The following INTS10 variants were observed in gnomAD, a reference collection of about 807,000 sequenced individuals.
INTS10 encodes chromosome 8 open reading frame 35.
A neutral mutation model predicts 94.4 loss-of-function variants in INTS10; 44 were observed. The observed-to-expected ratio is 0.47, with a 90% CI of 0.37 to 0.60. The LOEUF is 0.60. Among genes scored for constraint, INTS10 ranks in the 20% least tolerant of loss-of-function variants. The pLI is 0.00. For missense variants in INTS10, 797 were observed against 868.7 expected, an observed-to-expected ratio of 0.92 and a Z score of 1.04; for synonymous variants, 341 against 320.7, an observed-to-expected ratio of 1.06 and a Z score of -0.68.
chr8:19,822,567 C>T, intron 5 of INTS10, 47 bp downstream of exon 5: 1 of 1,193,300 alleles, frequency 8.4e-7, no homozygotes, highest in Non-Finnish European at 1.2e-6. Flanking sequence ...AATTAATATG[C>T]TGGGGTAAGT....
intron 4 of INTS10, 86 bp downstream of exon 4, chr8:19,820,604 A>G (rs2066297936): frequency 8.0e-7 from 1 of 1,254,686 alleles, no homozygotes; most frequent in African/African-American, 1.5e-5. Flanking sequence ...GCTACAAAGC[A>G]GAAGTTTCTG....
At chr8:19,836,422 G>T (rs766181853) in intron 12 of INTS10, among the ~76,000 whole-genome samples, 24 of 152,182 alleles carry the variant, frequency 1.6e-4, no homozygotes, top group Non-Finnish European at 2.2e-4. Context: ...CACCAGCAGT[G>T]CATCCGTCCA....
chr8:19,845,877 A>G (rs894706329), intron 16 of INTS10, 80 bp downstream of exon 16: 8 of 921,722 alleles, frequency 8.7e-6, no homozygotes, highest in Non-Finnish European at 1.4e-5. Context: ...AAATGTCTAT[A>G]CCTATCAAAA....
chr8:19,821,684 C>G (rs1264808026), intron 4 of INTS10: 1 of 151,350 alleles, frequency 6.6e-6, no homozygotes, highest in Non-Finnish European at 1.5e-5. Flanking sequence ...ATTATATCTA[C>G]AAAGATACTT....
In INTS10 at chr8:19,849,023, C is replaced by G; in HGVS notation, c.1977-2626C>G. 3.0e-6 allele frequency: 1 copy of G among 333,876 alleles called. No individual in the cohort carries two copies. Among genetic ancestry groups the G allele is most frequent in the South Asian group, 2.3e-5 (1 of 43,982 alleles). 20.7% of individuals were successfully genotyped at this position (333,876 alleles called of 1,614,324 possible). On this transcript the variant is annotated intron_variant, in intron 16 of 16. Transcript: ENST00000397977. This position sits in a 1 kb window ranked among gnomAD's most constrained non-coding sequence, Gnocchi z 4.6. ...CCCAGTCTCCTTAAACACCCAGCCA[C>G]GGCCAGGGGCTTGTTGAGGTTAATG... is the stretch of plus-strand genomic sequence containing the variant.
At position 19,851,603 on chromosome 8, in the gene INTS10, G is replaced by C. The variant is rs765723856; in HGVS notation, c.1977-46G>C. 6 of 1,589,124 alleles carry C rather than the reference G, an allele frequency of 3.8e-6. No homozygotes were observed. In the East Asian group the frequency reaches 1.3e-4, roughly 36 times the overall value. On this transcript the variant is annotated intron_variant, in intron 16 of 16. Coordinates refer to ENST00000397977, the MANE Select transcript of INTS10 (RefSeq NM_018142.4). The surrounding 1 kb of genome is among the most constrained non-coding windows in gnomAD (Gnocchi z 5.0). ...CCAAGTAGCAGCGATCAGCGATGCT[G>C]GTGCTAACCCCTGGTCTTTGTCTGT...
intron 4 of INTS10, chr8:19,820,805 G>C: frequency 3.9e-6 from 1 of 257,026 alleles, no homozygotes; most frequent in Non-Finnish European, 7.3e-6. Context: ...ATTCTACAAT[G>C]TGCTTTTGAA....
chr8:19,835,312 T>C (rs1211983659), intron 12 of INTS10, among the ~76,000 whole-genome samples: 2 of 152,196 alleles, frequency 1.3e-5, no homozygotes, highest in African/African-American at 4.8e-5. Flanking sequence ...TCTACTTAAT[T>C]GAAGTATTGG....
chr8:19,818,365 C>T (rs1563318733), intron 2 of INTS10, 23 bp downstream of exon 2: 1 of 1,610,612 alleles, frequency 6.2e-7, no homozygotes. Flanking sequence ...CTTGACATCA[C>T]TTTTACTGCA....
intron 15 of INTS10, among the ~76,000 whole-genome samples, chr8:19,844,527 A>G (rs940756269): frequency 3.9e-5 from 6 of 152,218 alleles, no homozygotes; most frequent in African/African-American, 1.4e-4. Flanking sequence ...GGTTGCTGAT[A>G]GGTCCAGCTT....
chr8:19,840,357 G>T (rs984834918), intron 13 of INTS10, among the ~76,000 whole-genome samples: 1 of 152,060 alleles, frequency 6.6e-6, no homozygotes, highest in Non-Finnish European at 1.5e-5. Context: ...CTCCCCACGT[G>T]TATCTGTAGA....
At chr8:19,823,191 C>T in intron 5 of INTS10, 110 bp from the exon 6 acceptor site, 3 of 792,238 alleles carry the variant, frequency 3.8e-6, no homozygotes, top group Non-Finnish European at 6.2e-6. Flanking sequence ...GATTTTTCCC[C>T]CTATATATTT....
At chr8:19,841,822 T>A (rs1425608060) in intron 13 of INTS10, 9 of 456,108 alleles carry the variant, frequency 2.0e-5, no homozygotes, top group Middle Eastern at 3.3e-4. Flanking sequence ...AGTTTTCATT[T>A]ACAGGGTCAT....
At chr8:19,833,430 T>C (rs2067402678) in intron 12 of INTS10, 109 bp downstream of exon 12, 1 of 753,768 alleles carries the variant, frequency 1.3e-6, no homozygotes, top group Non-Finnish European at 1.9e-6. Context: ...CAATTTGATC[T>C]TTCTGCCTAG....
At chr8:19,848,383 CTGT>C (rs2068750480) in intron 16 of INTS10, among the ~76,000 whole-genome samples, 2 of 152,150 alleles carry the variant, frequency 1.3e-5, no homozygotes, top group South Asian at 4.1e-4. Flanking sequence ...AGCTCTTAAT[CTGT>C]TATACAGACC....
intron 12 of INTS10, among the ~76,000 whole-genome samples, chr8:19,835,791 G>A (rs909762800): frequency 2.6e-5 from 4 of 152,140 alleles, no homozygotes; most frequent in African/African-American, 4.8e-5. Flanking sequence ...GCAGCTTTTG[G>A]GGCAGTCAGC....
intron 16 of INTS10, 66 bp downstream of exon 16, chr8:19,845,863 T>G: frequency 1.8e-6 from 2 of 1,110,314 alleles, no homozygotes; most frequent in Non-Finnish European, 2.7e-6. Context: ...TATGAAGTAT[T>G]TGTAAATGTC....
intron 15 of INTS10, 142 bp from the exon 16 acceptor site, chr8:19,845,562 C>A: frequency 1.6e-6 from 1 of 643,694 alleles, no homozygotes; most frequent in Non-Finnish European, 2.9e-6. Context: ...CTGCCAAGAC[C>A]CCATTTCCTT....
chr8:19,826,622 T>C (rs1012103718), intron 9 of INTS10, 63 bp downstream of exon 9: 10 of 1,459,512 alleles, frequency 6.9e-6, no homozygotes, highest in Non-Finnish European at 9.3e-6. Flanking sequence ...GATGAATCTT[T>C]GTAAAATATG....
Sources: gnomAD v4.1 joint callset for allele counts (sites outside exome capture counted in the v4.1 genomes callset) on GRCh38, gnomAD v4.1.1 for gene constraint, Gnocchi (gnomAD v3.1) non-coding constraint, MANE v1.5 for transcripts, NCBI Gene and HGNC (gene_info 2026-07-23, HGNC 2026-07-21) for gene names.